The following SLC35F3 variants were observed in gnomAD, a reference collection of about 807,000 sequenced individuals.
The protein encoded by SLC35F3 is solute carrier family 35 member F3.
A neutral mutation model predicts 49.9 loss-of-function variants in SLC35F3; 25 were observed. That is an observed-to-expected ratio of 0.50 (90% CI 0.37 to 0.70). SLC35F3 has a LOEUF of 0.70. Among genes scored for constraint, SLC35F3 ranks in the 30% least tolerant of loss-of-function variants. The pLI is 0.00. For missense variants in SLC35F3, 525 were observed against 639.8 expected, an observed-to-expected ratio of 0.82 and a Z score of 1.94; for synonymous variants, 275 against 265.4, an observed-to-expected ratio of 1.04 and a Z score of -0.35.
At chr1:234,282,812 G>A (rs1334330108) in intron 3 of SLC35F3, among the ~76,000 whole-genome samples, 2 of 152,190 alleles carry the variant, frequency 1.3e-5, no homozygotes, top group Non-Finnish European at 2.9e-5. Context: ...GTTAACGGTT[G>A]CAGTGTGCCA....
intron 2 of SLC35F3, among the ~76,000 whole-genome samples, chr1:233,911,618 C>T (rs906595959): frequency 2.0e-5 from 3 of 152,204 alleles, no homozygotes; most frequent in African/African-American, 4.8e-5. Context: ...ATAAACCCTT[C>T]GCATCTGCCA....
chr1:234,251,301 C>T (rs919968881), intron 3 of SLC35F3, among the ~76,000 whole-genome samples: 16 of 152,130 alleles, frequency 1.1e-4, no homozygotes, highest in African/African-American at 3.9e-4. Context: ...GTAACCATGG[C>T]ATCCTAAAGT....
At chr1:233,950,671 A>T (rs780321064) in intron 2 of SLC35F3, among the ~76,000 whole-genome samples, 1 of 152,116 alleles carries the variant, frequency 6.6e-6, no homozygotes, top group Non-Finnish European at 1.5e-5. Flanking sequence ...AATGGCAGAG[A>T]AAAACAAATC....
intron 2 of SLC35F3, among the ~76,000 whole-genome samples, chr1:234,093,619 C>T (rs575894383): frequency 1.3e-5 from 2 of 152,222 alleles, no homozygotes; most frequent in Non-Finnish European, 1.5e-5. Context: ...GACCACGACC[C>T]GAGGAGGGGA....
At chr1:233,940,632 G>A (rs972326778) in intron 2 of SLC35F3, among the ~76,000 whole-genome samples, 6 of 152,182 alleles carry the variant, frequency 3.9e-5, no homozygotes, top group African/African-American at 9.6e-5. Context: ...AATTTTGACC[G>A]AAGTAAACCT....
At chr1:234,006,821 A>G (rs899374882) in intron 2 of SLC35F3, among the ~76,000 whole-genome samples, 25 of 152,302 alleles carry the variant, frequency 1.6e-4, no homozygotes, top group African/African-American at 6.0e-4. Context: ...GAGCTACCAT[A>G]ACTGTCATTG....
intron 2 of SLC35F3, among the ~76,000 whole-genome samples, chr1:234,067,794 A>T (rs1664644583): frequency 6.6e-6 from 1 of 152,200 alleles, no homozygotes; most frequent in African/African-American, 2.4e-5. Context: ...TGCTTGACTG[A>T]GTCCAGTCCT....
At chr1:234,020,382 A>G (rs1194842476) in intron 2 of SLC35F3, among the ~76,000 whole-genome samples, 2 of 152,212 alleles carry the variant, frequency 1.3e-5, no homozygotes, top group South Asian at 2.1e-4. Context: ...AGAAATGTAG[A>G]TAAAAACATA....
chr1:234,128,102 G>A (rs1037324243), intron 2 of SLC35F3, among the ~76,000 whole-genome samples: 1 of 152,098 alleles, frequency 6.6e-6, no homozygotes, highest in Non-Finnish European at 1.5e-5. Context: ...AAGTGATGCC[G>A]ACAAACAGGC....
At chr1:233,968,359 C>T (rs1394025553) in intron 2 of SLC35F3, among the ~76,000 whole-genome samples, 7 of 151,356 alleles carry the variant, frequency 4.6e-5, no homozygotes, top group Admixed American at 2.0e-4. Context: ...CTTTTTTTTT[C>T]CAACTTTTAT....
intron 2 of SLC35F3, among the ~76,000 whole-genome samples, chr1:234,186,736 A>T (rs1465702123): frequency 6.6e-6 from 1 of 152,216 alleles, no homozygotes; most frequent in Non-Finnish European, 1.5e-5. Context: ...TAAAGTCAAC[A>T]TGCTGGACCA....
chr1:234,236,713 A>G (rs944154488), intron 3 of SLC35F3, among the ~76,000 whole-genome samples: 1 of 151,984 alleles, frequency 6.6e-6, no homozygotes, highest in Non-Finnish European at 1.5e-5. Context: ...ATCAGGAGTC[A>G]TGGAAGCAAT....
intron 3 of SLC35F3, among the ~76,000 whole-genome samples, chr1:234,266,002 A>T (rs1667973547): frequency 6.6e-6 from 1 of 151,492 alleles, no homozygotes. Context: ...GCTTTTCCTG[A>T]CCCTACAGCT....
At chr1:234,105,933 A>G (rs1214380436) in intron 2 of SLC35F3, among the ~76,000 whole-genome samples, 1 of 152,126 alleles carries the variant, frequency 6.6e-6, no homozygotes, top group African/African-American at 2.4e-5. Context: ...CTCAACTACA[A>G]TATCAGCCAC....
intron 2 of SLC35F3, among the ~76,000 whole-genome samples, chr1:234,138,443 C>G (rs533223789): frequency 6.6e-6 from 1 of 152,318 alleles, no homozygotes; most frequent in Admixed American, 6.5e-5. Flanking sequence ...TCAAGACCAG[C>G]TTTTCCTCTT....
At chr1:234,126,772 T>G (rs192377122) in intron 2 of SLC35F3, among the ~76,000 whole-genome samples, 42 of 152,292 alleles carry the variant, frequency 2.8e-4, no homozygotes, top group Admixed American at 5.2e-4. Flanking sequence ...CATAGCTCAC[T>G]GCAGCCTTGA....
chr1:234,050,829 G>A (rs1264938649), intron 2 of SLC35F3, among the ~76,000 whole-genome samples: 1 of 152,166 alleles, frequency 6.6e-6, no homozygotes, highest in African/African-American at 2.4e-5. Flanking sequence ...GTGTAAGGAA[G>A]GAATCCAGTT....
intron 2 of SLC35F3, among the ~76,000 whole-genome samples, chr1:234,129,424 A>G (rs1665700044): frequency 6.6e-6 from 1 of 152,210 alleles, no homozygotes; most frequent in Non-Finnish European, 1.5e-5. Flanking sequence ...ACTACAAAAG[A>G]TTGCAGAAAA....
intron 2 of SLC35F3, among the ~76,000 whole-genome samples, chr1:234,035,226 G>A (rs1255255841): frequency 1.3e-5 from 2 of 152,130 alleles, no homozygotes; most frequent in African/African-American, 4.8e-5. Context: ...TTGCACATCT[G>A]AACCTTTCTT....
Sources: gnomAD v4.1 joint callset for allele counts (sites outside exome capture counted in the v4.1 genomes callset) on GRCh38, gnomAD v4.1.1 for gene constraint, MANE v1.5 for transcripts, NCBI Gene and HGNC (gene_info 2026-07-23, HGNC 2026-07-21) for gene names.